SYT1: variants seen among roughly 807,000 people sequenced by gnomAD.
The protein encoded by SYT1 is synaptotagmin-1.
Under a neutral mutation model 44.8 loss-of-function variants are expected in SYT1, and 8 were observed. The ratio of observed to expected loss-of-function variants is 0.18; its 90% CI spans 0.10 to 0.32. The LOEUF (loss-of-function observed/expected upper bound fraction) is 0.32. Ranked by LOEUF, SYT1 falls within the 10% of genes least tolerant of loss-of-function variation. SYT1 has a pLI of 1.00. For missense variants in SYT1, 286 were observed against 509.3 expected, an observed-to-expected ratio of 0.56 and a Z score of 4.22; for synonymous variants, 154 against 188.8, an observed-to-expected ratio of 0.82 and a Z score of 1.51.
chr12:78,980,755 A>T (rs1026605477), intron 2 of SYT1, among the ~76,000 whole-genome samples: 1 of 152,200 alleles, frequency 6.6e-6, no homozygotes, highest in Admixed American at 6.5e-5. Context: ...AATTAAGCCA[A>T]TTAGACAAAA....
At chr12:79,280,775 A>G (rs556686469) in intron 4 of SYT1, among the ~76,000 whole-genome samples, 16 of 152,188 alleles carry the variant, frequency 1.1e-4, no homozygotes, top group African/African-American at 3.8e-4. Context: ...GCTAATATCC[A>G]AGATCCACAG....
chr12:79,136,568 C>T (rs1437864285), intron 3 of SYT1, among the ~76,000 whole-genome samples: 9 of 152,086 alleles, frequency 5.9e-5, no homozygotes, highest in African/African-American at 1.9e-4. Flanking sequence ...TTTTCTGTAG[C>T]TTCTAACAAT....
At chr12:79,161,956 T>C (rs1419741115) in intron 3 of SYT1, among the ~76,000 whole-genome samples, 2 of 152,160 alleles carry the variant, frequency 1.3e-5, no homozygotes, top group African/African-American at 4.8e-5. Context: ...ACTGGCATGC[T>C]TCTTTTAACT....
At chr12:79,187,878 G>T (rs1047001632) in intron 3 of SYT1, among the ~76,000 whole-genome samples, 7 of 152,014 alleles carry the variant, frequency 4.6e-5, no homozygotes, top group African/African-American at 1.7e-4. Flanking sequence ...CTATTGTAGG[G>T]CACAAGCTAA....
At chr12:78,971,489 C>T (rs1868385025) in intron 1 of SYT1, among the ~76,000 whole-genome samples, 1 of 151,988 alleles carries the variant, frequency 6.6e-6, no homozygotes, top group South Asian at 2.1e-4. Context: ...TTAAATCAGA[C>T]AAGAGAGCTA....
In SYT1 at chr12:79,419,413, G is replaced by A. The variant is rs142731113; in HGVS notation, c.929-24660G>A. 9.5e-4 allele frequency: 381 copies of A among 400,842 alleles called. 2 individuals carry two copies. The East Asian group carries it at 0.019, about 20-fold the overall frequency. 24.8% of individuals were successfully genotyped at this position (400,842 alleles called of 1,614,324 possible). A position where few individuals can be genotyped will look rare whatever the true frequency, so the allele number is the denominator to read the frequency against. On this transcript the variant is annotated intron_variant, in intron 9 of 10. Transcript: ENST00000261205. ...TCATAGTGGTAAGCTCACAGTATCC[G>A]GCAGCAGGTCAGGTGGGATCACACT...
At chr12:79,022,671 T>G (rs1872271540) in intron 2 of SYT1, among the ~76,000 whole-genome samples, 1 of 151,500 alleles carries the variant, frequency 6.6e-6, no homozygotes, top group African/African-American at 2.4e-5. Context: ...TAAAATAAAT[T>G]AATTATATTT....
At chr12:79,349,857 T>A (rs962694704) in intron 8 of SYT1, among the ~76,000 whole-genome samples, 2 of 152,184 alleles carry the variant, frequency 1.3e-5, no homozygotes, top group African/African-American at 4.8e-5. Context: ...GCCAAAACTA[T>A]GAAATTAGAG....
intron 4 of SYT1, among the ~76,000 whole-genome samples, chr12:79,224,708 C>T (rs543332481): frequency 2.4e-4 from 36 of 148,552 alleles, no homozygotes; most frequent in African/African-American, 8.0e-4. Flanking sequence ...CATGATCTGA[C>T]GGGTGGTTTT....
At chr12:79,336,087 G>C (rs1293414557) in intron 8 of SYT1, among the ~76,000 whole-genome samples, 1 of 152,154 alleles carries the variant, frequency 6.6e-6, no homozygotes, top group Non-Finnish European at 1.5e-5. Context: ...AGTGCCTACT[G>C]CTTTTTCTCC....
At chr12:79,034,950 C>T (rs1873035005) in intron 2 of SYT1, among the ~76,000 whole-genome samples, 1 of 151,592 alleles carries the variant, frequency 6.6e-6, no homozygotes, top group Non-Finnish European at 1.5e-5. Flanking sequence ...TTTATTTCTA[C>T]AGTTGTTCTC....
At chr12:79,029,328 TGTGCTA>T (rs908015911) in intron 2 of SYT1, among the ~76,000 whole-genome samples, 3 of 149,784 alleles carry the variant, frequency 2.0e-5, no homozygotes, top group African/African-American at 7.3e-5. Flanking sequence ...ATTCACACAC[TGTGCTA>T]GTGTGCCATA....
chr12:79,415,449 A>G (rs995043046), intron 9 of SYT1, among the ~76,000 whole-genome samples: 4 of 152,308 alleles, frequency 2.6e-5, no homozygotes, highest in East Asian at 3.9e-4. Flanking sequence ...TAGAATATCA[A>G]TTGTTCATAT....
At chr12:79,064,814 CAT>C (rs1023343854) in intron 3 of SYT1, among the ~76,000 whole-genome samples, 4 of 151,730 alleles carry the variant, frequency 2.6e-5, no homozygotes, top group African/African-American at 9.7e-5. Flanking sequence ...CACACACACA[CAT>C]ACACACACAA....
rs375409189 is a variant in SYT1 at position 79,124,294 on chromosome 12, T to G, written c.-18+76932T>G. On this transcript the variant is annotated intron_variant, in intron 3 of 10. Transcript: ENST00000261205. ...TGGAAGAACATAGATGCCTAGTGTT[T>G]TAATATACCCTTCGCAACTTTCTTG... is the stretch of plus-strand genomic sequence containing the variant. Among the ~76,000 whole-genome samples, 9 of 152,216 alleles carry G rather than the reference T, an allele frequency of 5.9e-5. 1 individual carries two copies. Among genetic ancestry groups the G allele is most frequent in the East Asian group, 3.9e-4 (2 of 5,182 alleles).
chr12:78,969,090 AC>A (rs766099472), intron 1 of SYT1, among the ~76,000 whole-genome samples: 11 of 152,206 alleles, frequency 7.2e-5, no homozygotes, highest in Non-Finnish European at 1.2e-4. Context: ...ACATGTAGAG[AC>A]TTTTTCATGT....
chr12:79,136,286 G>A (rs1265191351), intron 3 of SYT1, among the ~76,000 whole-genome samples: 1 of 152,052 alleles, frequency 6.6e-6, no homozygotes, highest in Non-Finnish European at 1.5e-5. Flanking sequence ...AGTATTATGA[G>A]GTTGATAATT....
At chr12:79,179,149 TATATAG>T (rs1872182050) in intron 3 of SYT1, among the ~76,000 whole-genome samples, 2 of 98,216 alleles carry the variant, frequency 2.0e-5, no homozygotes, top group Non-Finnish European at 3.8e-5. Context: ...TAGATATAGA[TATATAG>T]ATATATAGAT....
intron 4 of SYT1, among the ~76,000 whole-genome samples, chr12:79,261,852 A>G (rs1222201798): frequency 6.6e-6 from 1 of 152,192 alleles, no homozygotes; most frequent in Non-Finnish European, 1.5e-5. Context: ...CTGAGTCCAA[A>G]CCTCTAGCAC....
Sources: gnomAD v4.1 joint callset for allele counts (sites outside exome capture counted in the v4.1 genomes callset) on GRCh38, gnomAD v4.1.1 for gene constraint, MANE v1.5 for transcripts, NCBI Gene and HGNC (gene_info 2026-07-23, HGNC 2026-07-21) for gene names.